Variants in RANBP3 observed in about 807,000 individuals in gnomAD.
RANBP3 encodes ran-binding protein 3.
RANBP3 carries 14 observed loss-of-function variants against 77.3 expected under a neutral mutation model. The ratio of observed to expected loss-of-function variants is 0.18; its 90% CI spans 0.12 to 0.28. The LOEUF is 0.28. RANBP3 is among the 10% of genes least tolerant of loss of function. The pLI, the probability that RANBP3 is intolerant of heterozygous loss-of-function variation, is 1.00. For synonymous variants in RANBP3, 315 were observed against 312.4 expected (o/e 1.01, Z -0.09); for missense variants, 586 against 752.3 (o/e 0.78, Z 2.59).
At chr19:5,950,199 C>T (rs752332207) in intron 3 of RANBP3, among the ~76,000 whole-genome samples, 24 of 152,152 alleles carry the variant, frequency 1.6e-4, no homozygotes, top group Admixed American at 6.5e-5. Flanking sequence ...CAGTCACGTG[C>T]GCTCATGGGA....
chr19:5,954,173 CG>C (rs546083443), intron 2 of RANBP3, among the ~76,000 whole-genome samples: 183 of 152,234 alleles, frequency 1.2e-3, no homozygotes, highest in African/African-American at 4.2e-3. Context: ...CTTTGAATGG[CG>C]TGAGAGGGAT....
chr19:5,970,820 T>C (rs1410783218), intron 1 of RANBP3, among the ~76,000 whole-genome samples: 1 of 152,196 alleles, frequency 6.6e-6, no homozygotes, highest in African/African-American at 2.4e-5. Flanking sequence ...TTGCGTATCA[T>C]CGTTCCCATT....
In RANBP3 at chr19:5,957,944, C is replaced by T. The variant is rs770449020; in HGVS notation, c.52G>A (p.Val18Met). Residue 18 changes from valine to methionine, a missense_variant, in exon 2 of 17, where the codon GTG becomes ATG. By Grantham distance (21) the Val-to-Met change is conservative. This residue lies in a region of RANBP3 where 172 missense variants were observed against 183.4 expected (regional missense o/e 0.94). Coordinates refer to ENST00000340578, the MANE Select transcript of RANBP3 (RefSeq NM_007322.3). ...EKPAIAPPVFVFQKDKGQKSP... is the reference protein window; with the variant it reads ...EKPAIAPPVFMFQKDKGQKSP... ...TTTTGTCCTTTATCCTTCTGAAACA[C>T]AAAGACGGGCGGAGCAATGGCAGGC... The T allele has an allele frequency of 4.3e-6, 7 of 1,614,036 alleles. No homozygotes were observed. In the African/African-American group the frequency reaches 6.7e-5, roughly 15 times the overall value.
In RANBP3 at chr19:5,952,525, A is replaced by C. The variant is rs1339051566; in HGVS notation, c.79-929T>G. Among the ~76,000 whole-genome samples, 1 of 151,934 alleles carries C rather than the reference A, an allele frequency of 6.6e-6. No homozygotes were observed. The highest frequency in any genetic ancestry group is 1.5e-5 in the Non-Finnish European group (1 of 67,976). On this transcript the variant is annotated intron_variant, in intron 2 of 16. Coordinates refer to ENST00000340578, the MANE Select transcript of RANBP3 (RefSeq NM_007322.3). This position sits in a 1 kb window ranked among gnomAD's most constrained non-coding sequence, Gnocchi z 4.1. ...TTAAACACCTGGTGTCCTAAAACAG[A>C]CTCCAGTCCCCAAACCTCCCTCTTG... is the stretch of plus-strand genomic sequence containing the variant.
Position 5,925,548 on chromosome 19 carries a change from G to A in RANBP3, c.917+86C>T, listed in dbSNP as rs534056086. 3.4e-4 allele frequency: 403 copies of A among 1,192,242 alleles called. 2 individuals carry two copies. In the African/African-American group the frequency reaches 4.7e-3, roughly 14 times the overall value. 73.9% of individuals were successfully genotyped at this position (1,192,242 alleles called of 1,614,324 possible). ...TGGATTCTGGGCCTGAGTCGGGCAC[G>A]GGGACCACAGACCCCTCTCTGGCAG... On this transcript the variant is annotated intron_variant, in intron 10 of 16. Coordinates refer to ENST00000340578, the MANE Select transcript of RANBP3 (RefSeq NM_007322.3).
chr19:5,921,229 G>T lies in RANBP3; in HGVS notation c.1302C>A (p.Thr434=). Reference sequence around the variant, plus strand: ...GTCGGGACTGTAGTGTGCCGTCATCGGTGGACGCCATGTCATTGAGTCTGA... The same window carrying T: ...GTCGGGACTGTAGTGTGCCGTCATCTGTGGACGCCATGTCATTGAGTCTGA... The part of the protein sequence containing the change: ...GLLRLNDMAS[T]DDGTLQSRLV... The change falls in exon 14 of 17, where the codon ACC becomes ACA. Residue 434 remains threonine (T), a synonymous_variant. Transcript: ENST00000340578. This position sits in a 1 kb window ranked among gnomAD's most constrained non-coding sequence, Gnocchi z 5.3. 1 of 1,612,914 alleles carries T rather than the reference G, an allele frequency of 6.2e-7. No individual in the cohort carries two copies. Among genetic ancestry groups the T allele is most frequent in the South Asian group, 1.1e-5 (1 of 91,028 alleles).
chr19:5,970,563 C>T (rs1003208144), intron 1 of RANBP3, among the ~76,000 whole-genome samples: 6 of 152,054 alleles, frequency 3.9e-5, no homozygotes, highest in African/African-American at 1.2e-4. Flanking sequence ...TGACTGGGTG[C>T]TATGGCATCA....
Position 5,932,553 on chromosome 19 carries a change from A to G in RANBP3, c.473-9T>C, listed in dbSNP as rs1466555843. 1.2e-6 allele frequency: 2 copies of G among 1,612,896 alleles called. No individual in the cohort carries two copies. Among genetic ancestry groups the G allele is most frequent in the South Asian group, 2.2e-5 (2 of 91,054 alleles). Reference sequence around the variant, plus strand: ...CTTCTGGCTTGGCAGACCTAGGAACAGAAGGCGGCCTTCCCAGTGCCCGTG... The same window carrying G: ...CTTCTGGCTTGGCAGACCTAGGAACGGAAGGCGGCCTTCCCAGTGCCCGTG... On this transcript the variant is annotated splice_polypyrimidine_tract_variant and intron_variant, in intron 6 of 16. Coordinates refer to ENST00000340578, the MANE Select transcript of RANBP3 (RefSeq NM_007322.3).
intron 6 of RANBP3, chr19:5,932,793 C>T (rs1023147235): frequency 4.6e-5 from 23 of 503,506 alleles, no homozygotes; most frequent in Non-Finnish European, 5.3e-5. Flanking sequence ...AGCACAGTAA[C>T]GTGGCGGGGC....
At chr19:5,964,299 A>C (rs1216817661) in intron 1 of RANBP3, among the ~76,000 whole-genome samples, 1 of 151,780 alleles carries the variant, frequency 6.6e-6, no homozygotes, top group Non-Finnish European at 1.5e-5. Context: ...AACCCCTTAG[A>C]CCTGCTTGGC....
chr19:5,931,100 T>C (rs954410115), intron 8 of RANBP3, among the ~76,000 whole-genome samples: 3 of 152,170 alleles, frequency 2.0e-5, no homozygotes, highest in African/African-American at 7.2e-5. Context: ...CATGTGGCGG[T>C]CAGCCTTGGG....
In RANBP3 at chr19:5,941,846, G is replaced by A. The variant is rs766900438; in HGVS notation, c.283-11C>T. On this transcript the variant is annotated splice_polypyrimidine_tract_variant and intron_variant, in intron 3 of 16. Transcript: ENST00000340578. The stretch of plus-strand genomic sequence containing the variant: ...GCCGCCAGCTGACCTCTGAAACAAG[G>A]AGCACACAGCCGGGGTCAGAGGGCA... The A allele has an allele frequency of 5.0e-6, 8 of 1,612,088 alleles. No individual in the cohort carries two copies. Among genetic ancestry groups the A allele is most frequent in the Non-Finnish European group, 6.8e-6 (8 of 1,179,998 alleles).
chr19:5,970,065 T>C, intron 1 of RANBP3, among the ~76,000 whole-genome samples: 1 of 152,180 alleles, frequency 6.6e-6, no homozygotes, highest in South Asian at 2.1e-4. Flanking sequence ...GTGACTGTCA[T>C]GTTTGTGGGG....
At position 5,958,041 on chromosome 19, in the gene RANBP3, G is replaced by A; in HGVS notation, c.23-68C>T. 1.5e-6 allele frequency: 2 copies of A among 1,360,720 alleles called. No individual in the cohort carries two copies. Among genetic ancestry groups the A allele is most frequent in the Admixed American group, 1.7e-5 (1 of 58,320 alleles). The allele number at this position is 1,360,720 out of a possible 1,614,324, so 84.3% of individuals were successfully genotyped here. On this transcript the variant is annotated intron_variant, in intron 1 of 16. Coordinates refer to ENST00000340578, the MANE Select transcript of RANBP3 (RefSeq NM_007322.3). This position sits in a 1 kb window ranked among gnomAD's most constrained non-coding sequence, Gnocchi z 4.4. ...GCATACAGTAAACAAAGCTACACTT[G>A]TTTGTAATATGTTAAACATATATAT...
intron 5 of RANBP3, among the ~76,000 whole-genome samples, chr19:5,934,740 G>A (rs2058040976): frequency 6.6e-6 from 1 of 152,160 alleles, no homozygotes; most frequent in Admixed American, 6.5e-5. Flanking sequence ...AGGCAGAGGT[G>A]GGAAGATCAC....
intron 3 of RANBP3, among the ~76,000 whole-genome samples, chr19:5,943,477 A>C (rs1394673643): frequency 6.6e-6 from 1 of 152,188 alleles, no homozygotes; most frequent in Non-Finnish European, 1.5e-5. Flanking sequence ...TTGCTTTTAT[A>C]ATCCTTTAAA....
At chr19:5,923,963 T>C (rs1568447542) in intron 11 of RANBP3, 49 bp from the exon 12 acceptor site, 3 of 1,432,958 alleles carry the variant, frequency 2.1e-6, no homozygotes, top group Non-Finnish European at 2.9e-6. Flanking sequence ...GTGTGGTCCT[T>C]CAGCAGCAGC....
intron 5 of RANBP3, among the ~76,000 whole-genome samples, chr19:5,937,445 T>C (rs747667824): frequency 3.5e-4 from 54 of 152,166 alleles, no homozygotes; most frequent in Non-Finnish European, 5.1e-4. Context: ...CTCAAGGTCA[T>C]GAAAGTCAAG....
At chr19:5,932,405 C>T (rs2058004945) in intron 7 of RANBP3, 47 bp downstream of exon 7, 1 of 1,548,022 alleles carries the variant, frequency 6.5e-7, no homozygotes, top group South Asian at 1.1e-5. Flanking sequence ...TTCGGGAACG[C>T]TCTACCCTGC....
Sources: allele counts gnomAD v4.1 joint callset (sites outside exome capture counted in the v4.1 genomes callset), GRCh38; gene constraint gnomAD v4.1.1; regional missense constraint gnomAD v4.1.1; non-coding constraint Gnocchi (gnomAD v3.1); transcripts MANE v1.5; gene names NCBI Gene and HGNC (gene_info 2026-07-23, HGNC 2026-07-21).